GTF2IRD1: variants seen among roughly 807,000 people sequenced by gnomAD.
GTF2IRD1 encodes the protein GTF2I repeat domain containing 1.
A neutral mutation model predicts 113.2 loss-of-function variants in GTF2IRD1; 26 were observed. The ratio of observed to expected loss-of-function variants is 0.23; its 90% CI spans 0.17 to 0.32. The LOEUF is 0.32. Among genes scored for constraint, GTF2IRD1 ranks in the 10% least tolerant of loss-of-function variants. The pLI is 1.00. For synonymous variants in GTF2IRD1, 484 were observed against 529.1 expected (o/e 0.91, Z 1.17); for missense variants, 864 against 1,280.8 (o/e 0.67, Z 4.97).
intron 1 of GTF2IRD1, among the ~76,000 whole-genome samples, chr7:74,472,545 G>C (rs1038128514): frequency 6.6e-6 from 1 of 152,128 alleles, no homozygotes; most frequent in South Asian, 2.1e-4. Flanking sequence ...TCGGGAGTTC[G>C]AGAGCAGCCT....
At chr7:74,496,386 G>A (rs1393512701) in intron 1 of GTF2IRD1, among the ~76,000 whole-genome samples, 1 of 148,624 alleles carries the variant, frequency 6.7e-6, no homozygotes, top group Non-Finnish European at 1.5e-5. Flanking sequence ...ATATGTGTGT[G>A]ATATATGTGG....
chr7:74,471,046 C>T (rs1339858107), intron 1 of GTF2IRD1, among the ~76,000 whole-genome samples: 6 of 152,288 alleles, frequency 3.9e-5, no homozygotes, highest in African/African-American at 1.4e-4. Context: ...CTCAGGTGAT[C>T]TGCCCGCCTC....
intron 19 of GTF2IRD1, among the ~76,000 whole-genome samples, chr7:74,557,216 T>A (rs1799653256): frequency 6.6e-6 from 1 of 152,114 alleles, no homozygotes; most frequent in Non-Finnish European, 1.5e-5. Context: ...ATCCCCTGTG[T>A]CTGTGGGGAC....
chr7:74,456,897 C>T (rs1433649930), intron 1 of GTF2IRD1, among the ~76,000 whole-genome samples: 2 of 152,118 alleles, frequency 1.3e-5, no homozygotes, highest in African/African-American at 4.8e-5. Flanking sequence ...TCCTTCAGGA[C>T]TTGGCTTGGC....
At chr7:74,483,383 A>AC (rs1302953020) in intron 1 of GTF2IRD1, among the ~76,000 whole-genome samples, 11 of 152,000 alleles carry the variant, frequency 7.2e-5, no homozygotes, top group African/African-American at 2.7e-4. Flanking sequence ...AAAAAAAAAA[A>AC]AATTTTTTTT....
chr7:74,536,264 T>G lies in GTF2IRD1; in HGVS notation c.1398T>G (p.Ala466=), dbSNP rs150650670. ...EVSRATVLDL[A]GNARSDKGSM... ...CTAGGGCCACCGTCCTTGACCTTGC[T>G]GGGAATGCTCGGTGAGGCCCCGCCC... Residue 466 remains alanine, a synonymous_variant, in exon 11 of 27, where the codon GCT becomes GCG. Transcript: ENST00000424337. 258 of 1,604,154 alleles carry G rather than the reference T, an allele frequency of 1.6e-4. No individual in the cohort carries two copies. The highest frequency in any genetic ancestry group is 2.1e-4 in the Non-Finnish European group (242 of 1,171,356).
intron 17 of GTF2IRD1, among the ~76,000 whole-genome samples, chr7:74,553,711 C>T (rs1461564805): frequency 3.9e-5 from 6 of 152,162 alleles, no homozygotes; most frequent in African/African-American, 1.4e-4. Flanking sequence ...CCTGTTACTC[C>T]CTGTGGCCTT....
At chr7:74,560,257 G>C (rs1799865680) in intron 22 of GTF2IRD1, among the ~76,000 whole-genome samples, 1 of 151,976 alleles carries the variant, frequency 6.6e-6, no homozygotes, top group Non-Finnish European at 1.5e-5. Context: ...CCGAGTCAGT[G>C]CACCTGCTCC....
intron 1 of GTF2IRD1, among the ~76,000 whole-genome samples, chr7:74,495,439 C>T (rs376855077): frequency 3.2e-4 from 49 of 152,378 alleles, no homozygotes; most frequent in Non-Finnish European, 5.4e-4. Flanking sequence ...GCTGTCCCCT[C>T]TGTCTGGACT....
At chr7:74,566,653 AC>A (rs1341653747) in intron 22 of GTF2IRD1, among the ~76,000 whole-genome samples, 1 of 152,092 alleles carries the variant, frequency 6.6e-6, no homozygotes, top group African/African-American at 2.4e-5. Flanking sequence ...CGTCATACTT[AC>A]GATTTGCCGG....
chr7:74,504,157 C>G (rs953720084), intron 1 of GTF2IRD1, among the ~76,000 whole-genome samples: 1 of 152,104 alleles, frequency 6.6e-6, no homozygotes, highest in African/African-American at 2.4e-5. Flanking sequence ...TCCATTCTAC[C>G]GCTGATGGAC....
intron 11 of GTF2IRD1, among the ~76,000 whole-genome samples, chr7:74,537,273 C>T (rs1298515957): frequency 4.0e-5 from 6 of 151,862 alleles, no homozygotes; most frequent in Non-Finnish European, 4.4e-5. Context: ...ATTAGCCAGG[C>T]GCAGCGGCGC....
intron 1 of GTF2IRD1, among the ~76,000 whole-genome samples, chr7:74,502,207 G>C (rs1796069499): frequency 6.6e-6 from 1 of 152,212 alleles, no homozygotes; most frequent in Non-Finnish European, 1.5e-5. Context: ...CCAGAGTGCT[G>C]GAATTATAGG....
intron 22 of GTF2IRD1, among the ~76,000 whole-genome samples, chr7:74,569,474 G>A (rs191037710): frequency 8.7e-4 from 133 of 152,298 alleles, no homozygotes; most frequent in Non-Finnish European, 1.3e-3. Flanking sequence ...GTGCAGTGAG[G>A]GGGGGATGGA....
chr7:74,501,235 G>A (rs576140342), intron 1 of GTF2IRD1, among the ~76,000 whole-genome samples: 19 of 152,290 alleles, frequency 1.2e-4, no homozygotes, highest in African/African-American at 4.3e-4. Flanking sequence ...CGAGCCCACC[G>A]CTGTGTCATC....
At chr7:74,458,885 C>T (rs1554328212) in intron 1 of GTF2IRD1, among the ~76,000 whole-genome samples, 1 of 151,842 alleles carries the variant, frequency 6.6e-6, no homozygotes, top group Non-Finnish European at 1.5e-5. Context: ...GAATGAACCC[C>T]TGACCTCAAG....
chr7:74,489,966 G>T (rs1172248763), intron 1 of GTF2IRD1, among the ~76,000 whole-genome samples: 1 of 152,040 alleles, frequency 6.6e-6, no homozygotes, highest in Non-Finnish European at 1.5e-5. Flanking sequence ...CTGGAACTCA[G>T]ATTTTTTTTG....
chr7:74,508,122 C>T lies in GTF2IRD1; in HGVS notation c.42C>T (p.Gly14=). ...LGKRCDVPTN[G]CGPDRWNSAF... ...AGCGCTGTGACGTCCCCACCAACGGCTGCGGACCCGACCGCTGGAACTCCG... is the reference window on the plus strand; with the variant it reads ...AGCGCTGTGACGTCCCCACCAACGGTTGCGGACCCGACCGCTGGAACTCCG... Residue 14 remains glycine, a synonymous_variant, in exon 2 of 27, where the codon GGC becomes GGT. Transcript: ENST00000424337. The T allele has an allele frequency of 6.2e-7, 1 of 1,611,216 alleles. No homozygotes were observed.
chr7:74,468,811 G>A (rs950518777), intron 1 of GTF2IRD1, among the ~76,000 whole-genome samples: 3 of 151,876 alleles, frequency 2.0e-5, no homozygotes, highest in African/African-American at 4.8e-5. Context: ...AGGGCCGGGC[G>A]CGGTGGCTCA....
Sources: allele counts gnomAD v4.1 joint callset (sites outside exome capture counted in the v4.1 genomes callset), GRCh38; gene constraint gnomAD v4.1.1; transcripts MANE v1.5; gene names NCBI Gene and HGNC (gene_info 2026-07-23, HGNC 2026-07-21).